The following LENG8 variants were observed in gnomAD, a reference collection of about 807,000 sequenced individuals.
LENG8 encodes leukocyte receptor cluster (LRC) member 8.
A neutral mutation model predicts 102.1 loss-of-function variants in LENG8; 28 were observed. The observed-to-expected ratio is 0.27, with a 90% CI of 0.20 to 0.38. LENG8 has a LOEUF of 0.38. LENG8 is among the 10% of genes least tolerant of loss of function. LENG8 has a pLI of 1.00. For missense variants in LENG8, 1,022 were observed against 1,113.9 expected (o/e 0.92, Z 1.17); for synonymous variants, 531 against 456.7 (o/e 1.16, Z -2.07).
At chr19:54,451,914 C>T (rs778330502) in intron 2 of LENG8, 179 bp from the exon 3 acceptor site, 22 of 555,432 alleles carry the variant, frequency 4.0e-5, no homozygotes, top group African/African-American at 3.4e-4. Flanking sequence ...CTCATTTATC[C>T]CTCCCAGCAG....
intron 11 of LENG8, among the ~76,000 whole-genome samples, 187 bp downstream of exon 11, chr19:54,457,108 C>T (rs561824503): frequency 7.2e-5 from 11 of 152,374 alleles, no homozygotes; most frequent in Middle Eastern, 3.4e-3. Flanking sequence ...CCTGGAGCCC[C>T]GCGTGGCGGG....
chr19:54,453,500 A>G, intron 4 of LENG8, 46 bp from the exon 5 acceptor site: 1 of 1,337,712 alleles, frequency 7.5e-7, no homozygotes. Flanking sequence ...GGGGAAGCGG[A>G]AAGGGTAGGC....
intron 15 of LENG8, chr19:54,459,976 G>T: frequency 1.6e-6 from 2 of 1,229,498 alleles, no homozygotes; most frequent in South Asian, 2.8e-5. Flanking sequence ...CCTTGGTTGG[G>T]AACATAGCCA....
rs561902196 is a variant in LENG8, at chr19:54,461,343, G to A, written c.*415G>A. The A allele has an allele frequency of 3.2e-4, 146 of 457,812 alleles. No homozygotes were observed. The highest frequency in any genetic ancestry group is 2.9e-3 in the Middle Eastern group (9 of 3,088). 28.4% of individuals were successfully genotyped at this position (457,812 alleles called of 1,614,324 possible). On this transcript the variant is annotated 3_prime_UTR_variant, in exon 16 of 16. Coordinates refer to ENST00000326764, the MANE Select transcript of LENG8 (RefSeq NM_052925.4). ...GGCCGTCCAGCCCGTGCCCGCCTGC[G>A]GCGGGGGCACCCAGCAAGCCCGCCC... is the stretch of plus-strand genomic sequence containing the variant.
At chr19:54,452,355 G>T (rs2084002137) in intron 3 of LENG8, 88 bp downstream of exon 3, 2 of 1,183,226 alleles carry the variant, frequency 1.7e-6, no homozygotes, top group African/African-American at 1.5e-5. Flanking sequence ...ATTCAGACGG[G>T]GTGCTCTGAG....
chr19:54,456,837 G>A lies in LENG8; in HGVS notation c.1647G>A (p.Gln549=), dbSNP rs774591973. ...CTGACCCTGACTGGCAGGAGCTGCAGATCGTGGGCACCTGCCCTGACATCA... is the reference window on the plus strand; with the variant it reads ...CTGACCCTGACTGGCAGGAGCTGCAAATCGTGGGCACCTGCCCTGACATCA... ...SGADPDWQEL[Q]IVGTCPDITK... The change falls in exon 11 of 16, where the codon CAG becomes CAA. Residue 549 remains glutamine, a synonymous_variant. Transcript: ENST00000326764. The A allele has an allele frequency of 9.9e-6, 16 of 1,610,932 alleles. No homozygotes were observed. Among genetic ancestry groups the A allele is most frequent in the Non-Finnish European group, 1.4e-5 (16 of 1,179,776 alleles).
chr19:54,452,006 A>T (rs2083983638), intron 2 of LENG8, 87 bp from the exon 3 acceptor site: 1 of 1,265,562 alleles, frequency 7.9e-7, no homozygotes, highest in Admixed American at 2.0e-5. Flanking sequence ...TAGATATGGG[A>T]TCCAGGGGCT....
intron 15 of LENG8, 164 bp downstream of exon 15, chr19:54,458,685 C>A: frequency 6.4e-7 from 1 of 1,551,666 alleles, no homozygotes; most frequent in Non-Finnish European, 8.7e-7. Flanking sequence ...CTCTCCAGTT[C>A]CTCTTGCTCT....
chr19:54,460,873 C>T lies in LENG8; in HGVS notation c.2348C>T (p.Pro783Leu), dbSNP rs374952695. The T allele has an allele frequency of 4.4e-5, 68 of 1,561,150 alleles. No homozygotes were observed. The highest frequency in any genetic ancestry group is 1.7e-4 in the Middle Eastern group (1 of 6,016). ...LEPLGLAYTG[P>L]DNSSIDCRLS... ...CCCCTGGGCCTGGCCTACACGGGCCCGGACAACTCCAGCATCGACTGCCGC... is the reference window on the plus strand; with the variant it reads ...CCCCTGGGCCTGGCCTACACGGGCCTGGACAACTCCAGCATCGACTGCCGC... Residue 783 changes from proline (P) to leucine (L), a missense_variant, in exon 16 of 16, where the codon CCG becomes CTG. Transcript: ENST00000326764.
intron 7 of LENG8, 78 bp from the exon 8 acceptor site, chr19:54,455,286 C>A: frequency 6.5e-7 from 1 of 1,548,476 alleles, no homozygotes; most frequent in Non-Finnish European, 8.9e-7. Context: ...CCCGCTGTGT[C>A]AGCTCAGAGT....
Position 54,454,955 on chromosome 19 carries a change from C to G in LENG8, c.684C>G (p.Ala228=). Residue 228 remains alanine (A), a synonymous_variant, in exon 7 of 16, where the codon GCC becomes GCG. Coordinates refer to ENST00000326764, the MANE Select transcript of LENG8 (RefSeq NM_052925.4). ...GQQLWNRMKP[A]PGTGGLKFNI... ...TAGCTTTCGCTGCCCTCACAGCCGC[C>G]CCTGGGACTGGAGGTCTCAAGTTCA... 1 of 1,614,182 alleles carries G rather than the reference C, an allele frequency of 6.2e-7. No homozygotes were observed. The highest frequency in any genetic ancestry group is 8.5e-7 in the Non-Finnish European group (1 of 1,180,024).
In LENG8 at chr19:54,458,335, A is replaced by G. The variant is rs774702032; in HGVS notation, c.2054A>G (p.Tyr685Cys). The change falls in exon 15 of 16, where the codon TAC becomes TGC. Residue 685 changes from tyrosine (Y) to cysteine (C), a missense_variant. Coordinates refer to ENST00000326764, the MANE Select transcript of LENG8 (RefSeq NM_052925.4). ...CTAGACATCACCACGGAGCTGGCAT[A>G]CCTCACACGAGAACTGAAGGCAGAT... is the stretch of plus-strand genomic sequence containing the variant. ...NSGDITTELA[Y>C]LTRELKADPC... 5.0e-6 allele frequency: 8 copies of G among 1,613,782 alleles called. No homozygotes were observed. In the Admixed American group the frequency reaches 1.3e-4, roughly 27 times the overall value.
At chr19:54,450,159 T>A (rs1234652670) in intron 1 of LENG8, among the ~76,000 whole-genome samples, 1 of 152,210 alleles carries the variant, frequency 6.6e-6, no homozygotes, top group African/African-American at 2.4e-5. Context: ...TTCTTTGGCA[T>A]TCCCAAAGCT....
Position 54,462,008 on chromosome 19 carries a change from AAGAG to A in LENG8, c.*1085_*1088del, listed in dbSNP as rs751705318. 552 of 1,448,964 alleles carry A rather than the reference AAGAG, an allele frequency of 3.8e-4. 2 individuals are homozygous for A. Among genetic ancestry groups the A allele is most frequent in the Middle Eastern group, 1.5e-3 (8 of 5,516 alleles). The allele number at this position is 1,448,964 out of a possible 1,614,324, so 89.8% of individuals were successfully genotyped here. A position where few individuals can be genotyped will look rare whatever the true frequency, so the allele number is the denominator to read the frequency against. ...GAGAGAAACCAAAATTAAAGAGAGA[AAGAG>A]AGAGCGTGCACGCTCCTGCTTTGTC... On this transcript the variant is annotated 3_prime_UTR_variant, in exon 16 of 16. Coordinates refer to ENST00000326764, the MANE Select transcript of LENG8 (RefSeq NM_052925.4).
Position 54,461,193 on chromosome 19 carries a change from T to C in LENG8, c.*265T>C. On this transcript the variant is annotated 3_prime_UTR_variant, in exon 16 of 16. Coordinates refer to ENST00000326764, the MANE Select transcript of LENG8 (RefSeq NM_052925.4). ...GGGGCATGGTCTGCAGGCTCATCTG[T>C]GTCCGCCTTTCACTCCACTAATGCT... The C allele has an allele frequency of 1.5e-6, 1 of 674,326 alleles. No homozygotes were observed. Among genetic ancestry groups the C allele is most frequent in the Non-Finnish European group, 2.7e-6 (1 of 367,378 alleles). 41.8% of individuals were successfully genotyped at this position (674,326 alleles called of 1,614,324 possible). A position where few individuals can be genotyped will look rare whatever the true frequency, so the allele number is the denominator to read the frequency against.
At chr19:54,455,841 TAGCTG>T in intron 8 of LENG8, 121 bp from the exon 9 acceptor site, 1 of 1,052,690 alleles carries the variant, frequency 9.5e-7, no homozygotes, top group Non-Finnish European at 1.4e-6. Flanking sequence ...TGCACTGTAG[TAGCTG>T]AGCCGCCTGG....
At position 54,453,635 on chromosome 19, in the gene LENG8, A is replaced by C. The variant is rs761754056; in HGVS notation, c.405A>C (p.Gln135His). The part of the protein sequence containing the change: ...SATPQQPSAP[Q>H]HQGTLNQPPV... ...CACCCCAGCAGCCATCCGCACCCCA[A>C]CACCAAGGGACTCTGAACCAGGTAA... The change falls in exon 5 of 16, where the codon CAA becomes CAC. Residue 135 changes from glutamine (Q) to histidine (H), a missense_variant. Transcript: ENST00000326764. 2 of 1,613,400 alleles carry C rather than the reference A, an allele frequency of 1.2e-6. No individual in the cohort carries two copies. The highest frequency in any genetic ancestry group is 4.5e-5 in the East Asian group (2 of 44,864).
At chr19:54,452,010 A>G in intron 2 of LENG8, 83 bp from the exon 3 acceptor site, 2 of 1,313,688 alleles carry the variant, frequency 1.5e-6, no homozygotes, top group South Asian at 2.7e-5. Flanking sequence ...TATGGGATCC[A>G]GGGGCTGGAA....
At chr19:54,460,335 C>T in intron 15 of LENG8, 2 of 1,212,790 alleles carry the variant, frequency 1.6e-6, no homozygotes, top group Non-Finnish European at 1.1e-6. Flanking sequence ...TGAGTGCTAG[C>T]TGGCACCCCT....
Sources: gnomAD v4.1 joint callset for allele counts (sites outside exome capture counted in the v4.1 genomes callset) on GRCh38, gnomAD v4.1.1 for gene constraint, MANE v1.5 for transcripts, NCBI Gene and HGNC (gene_info 2026-07-23, HGNC 2026-07-21) for gene names.